Variants in TMTC1 observed in about 807,000 individuals in gnomAD.
The protein encoded by TMTC1 is transmembrane O-mannosyltransferase targeting cadherins 1, also known as protein O-mannosyl-transferase TMTC1.
In TMTC1, 73 loss-of-function variants were observed where a neutral mutation model predicts 104.8. The ratio of observed to expected loss-of-function variants is 0.70; its 90% CI spans 0.58 to 0.85. TMTC1 has a LOEUF of 0.85. TMTC1 is among the 40% of genes least tolerant of loss of function. TMTC1 has a pLI of 0.00. For missense variants in TMTC1, 1,035 were observed against 1,096.1 expected (o/e 0.94, Z 0.79); for synonymous variants, 434 against 428.7 (o/e 1.01, Z -0.15).
chr12:29,680,388 T>A (rs1446010334), intron 5 of TMTC1, among the ~76,000 whole-genome samples: 1 of 152,178 alleles, frequency 6.6e-6, no homozygotes, highest in Non-Finnish European at 1.5e-5. Context: ...AATGGCTGTT[T>A]CCAGGTCGGA....
Position 29,783,795 on chromosome 12 carries a change from T to C in TMTC1, c.-44A>G. ...GCTGCCCTGGCCTCTCCCGGGCGTCTGGCATCCTCCCCTACCGGGGCCCCG... is the reference window on the plus strand; with the variant it reads ...GCTGCCCTGGCCTCTCCCGGGCGTCCGGCATCCTCCCCTACCGGGGCCCCG... On this transcript the variant is annotated 5_prime_UTR_variant, in exon 1 of 18. Transcript: ENST00000539277. This position sits in a 1 kb window ranked among gnomAD's most constrained non-coding sequence, Gnocchi z 4.7. The C allele has an allele frequency of 8.9e-7, 1 of 1,125,928 alleles. No homozygotes were observed. Among genetic ancestry groups the C allele is most frequent in the Non-Finnish European group, 1.1e-6 (1 of 921,956 alleles). The allele number at this position is 1,125,928 out of a possible 1,614,324, so 69.7% of individuals were successfully genotyped here. A position where few individuals can be genotyped will look rare whatever the true frequency, so the allele number is the denominator to read the frequency against.
intron 5 of TMTC1, among the ~76,000 whole-genome samples, chr12:29,679,031 T>A (rs11829425): frequency 0.079 from 12,025 of 152,220 alleles, 678 homozygotes; most frequent in South Asian, 0.17. Context: ...ATAAAAAACC[T>A]GGATACAACC....
intron 11 of TMTC1, chr12:29,534,765 C>T (rs1350009927): frequency 6.6e-6 from 1 of 152,100 alleles, no homozygotes; most frequent in Non-Finnish European, 1.5e-5. Context: ...ATGAATAAAA[C>T]ACATAGCTGT....
chr12:29,783,915 C>T lies in TMTC1; in HGVS notation c.-164G>A. 1.6e-6 allele frequency: 1 copy of T among 617,160 alleles called. No individual in the cohort carries two copies. The highest frequency in any genetic ancestry group is 1.1e-4 in the East Asian group (1 of 8,808). The allele number at this position is 617,160 out of a possible 1,614,324, so 38.2% of individuals were successfully genotyped here. On this transcript the variant is annotated 5_prime_UTR_variant, in exon 1 of 18. Transcript: ENST00000539277. The surrounding 1 kb of genome is among the most constrained non-coding windows in gnomAD (Gnocchi z 4.7). Reference sequence around the variant, plus strand: ...CCCCGCGCTCCGCCGCCGCCTGCGCCGCGGAGTTGGCCCAGCTGCAAATAA... The same window carrying T: ...CCCCGCGCTCCGCCGCCGCCTGCGCTGCGGAGTTGGCCCAGCTGCAAATAA...
Position 29,751,694 on chromosome 12 carries a change from A to G in TMTC1, c.910T>C (p.Ser304Pro), listed in dbSNP as rs746543960. The part of the protein sequence containing the change: ...PEPKSSGFPV[S>P]PRAVWSMMRF... ...ATCATGGACCACACAGCTCGTGGGG[A>G]CACTGGGAATCCACTGCTCTTGGGT... Residue 304 changes from serine (S) to proline (P), a missense_variant, in exon 5 of 18, where the codon TCC becomes CCC. By Grantham distance (74) the Ser-to-Pro change is moderately conservative. Coordinates refer to ENST00000539277, the MANE Select transcript of TMTC1 (RefSeq NM_001193451.2). The G allele has an allele frequency of 2.2e-5, 36 of 1,613,988 alleles. No homozygotes were observed. Among genetic ancestry groups the G allele is most frequent in the Middle Eastern group, 1.6e-4 (1 of 6,084 alleles).
At chr12:29,537,220 C>T (rs1244545150) in intron 10 of TMTC1, among the ~76,000 whole-genome samples, 1 of 152,184 alleles carries the variant, frequency 6.6e-6, no homozygotes, top group Non-Finnish European at 1.5e-5. Context: ...AGGACACAGC[C>T]TAAAGGTCCC....
chr12:29,775,975 T>G (rs773893643), intron 1 of TMTC1, among the ~76,000 whole-genome samples: 4 of 152,228 alleles, frequency 2.6e-5, no homozygotes, highest in South Asian at 2.1e-4. Flanking sequence ...AGAAGTTTCC[T>G]CCCAAGAATC....
intron 10 of TMTC1, among the ~76,000 whole-genome samples, chr12:29,547,152 T>C (rs1016942171): frequency 5.3e-5 from 8 of 152,180 alleles, no homozygotes; most frequent in Admixed American, 4.6e-4. Context: ...GAAATATTTA[T>C]GCAATGAAGG....
At chr12:29,673,601 G>A (rs1282922007) in intron 5 of TMTC1, among the ~76,000 whole-genome samples, 1 of 151,448 alleles carries the variant, frequency 6.6e-6, no homozygotes, top group Non-Finnish European at 1.5e-5. Flanking sequence ...ATTCATATAT[G>A]TATATTTACA....
rs143887112 is a variant in TMTC1 at position 29,586,552 on chromosome 12, G to C, written c.1251-2978C>G. 6.3e-3 allele frequency among the ~76,000 whole-genome samples: 957 copies of C among 152,222 alleles called. 7 individuals are homozygous for C. The highest frequency in any genetic ancestry group is 0.01 in the South Asian group (49 of 4,820). ...AATGCTTCCAGTTTTTGTCCATTCA[G>C]TATGATATTGGCGTGGGTTTGTCAT... On this transcript the variant is annotated intron_variant, in intron 7 of 17. Coordinates refer to ENST00000539277, the MANE Select transcript of TMTC1 (RefSeq NM_001193451.2).
chr12:29,668,443 T>TACC (rs1044733640), intron 5 of TMTC1, among the ~76,000 whole-genome samples: 2 of 144,136 alleles, frequency 1.4e-5, no homozygotes, highest in African/African-American at 5.2e-5. Flanking sequence ...ATTCAAACCA[T>TACC]ACCAACTTAT....
intron 5 of TMTC1, among the ~76,000 whole-genome samples, chr12:29,701,795 C>T (rs1941602297): frequency 6.6e-6 from 1 of 152,200 alleles, no homozygotes; most frequent in Admixed American, 6.5e-5. Context: ...TAGCCTATAA[C>T]AGATTCACTA....
At chr12:29,767,755 T>C in intron 2 of TMTC1, 143 bp downstream of exon 2, 1 of 677,334 alleles carries the variant, frequency 1.5e-6, no homozygotes, top group Non-Finnish European at 2.2e-6. Context: ...ATCAGCTTAG[T>C]TTACATGTAT....
chr12:29,756,332 T>C (rs1565816850), intron 3 of TMTC1, among the ~76,000 whole-genome samples: 1 of 152,200 alleles, frequency 6.6e-6, no homozygotes. Context: ...AAAGGGATTA[T>C]AGCGTTGTAG....
Position 29,724,350 on chromosome 12 carries a change from A to G in TMTC1, c.938+27316T>C, listed in dbSNP as rs112802474. On this transcript the variant is annotated intron_variant, in intron 5 of 17. Transcript: ENST00000539277. ...TGGGAGAAGAAATAGGGCCTAATTA[A>G]TAATGATGAAGATACACATGCCCTA... is the stretch of plus-strand genomic sequence containing the variant. 1.7e-4 allele frequency among the ~76,000 whole-genome samples: 26 copies of G among 152,350 alleles called. 2 individuals carry two copies. Among genetic ancestry groups the G allele is most frequent in the African/African-American group, 6.3e-4 (26 of 41,580 alleles).
At chr12:29,756,733 A>T (rs1164209784) in intron 3 of TMTC1, among the ~76,000 whole-genome samples, 2 of 152,194 alleles carry the variant, frequency 1.3e-5, no homozygotes, top group African/African-American at 2.4e-5. Flanking sequence ...ATTGGCTCCT[A>T]TTCCATTGAA....
chr12:29,555,412 T>A (rs1398435914), intron 10 of TMTC1, among the ~76,000 whole-genome samples: 3 of 152,052 alleles, frequency 2.0e-5, no homozygotes, highest in Non-Finnish European at 4.4e-5. Flanking sequence ...GTCATGGTGG[T>A]TTGCTGCACC....
chr12:29,642,673 C>A (rs1453290740), intron 5 of TMTC1, among the ~76,000 whole-genome samples: 1 of 152,064 alleles, frequency 6.6e-6, no homozygotes, highest in African/African-American at 2.4e-5. Flanking sequence ...CGCCTGTAAT[C>A]CCAGCACTTT....
intron 6 of TMTC1, among the ~76,000 whole-genome samples, chr12:29,617,882 A>G (rs1040382411): frequency 1.3e-5 from 2 of 152,214 alleles, no homozygotes; most frequent in Non-Finnish European, 2.9e-5. Flanking sequence ...TTGTTGTCAG[A>G]GAAATAAGGA....
Sources: gnomAD v4.1 joint callset for allele counts (sites outside exome capture counted in the v4.1 genomes callset) on GRCh38, gnomAD v4.1.1 for gene constraint, Gnocchi (gnomAD v3.1) non-coding constraint, MANE v1.5 for transcripts, NCBI Gene and HGNC (gene_info 2026-07-23, HGNC 2026-07-21) for gene names.